The following CCL28 variants were observed in gnomAD, a reference collection of about 807,000 sequenced individuals.
CCL28 encodes C-C motif chemokine ligand 28.
In CCL28, 4 loss-of-function variants were observed where a neutral mutation model predicts 7.1. The ratio of observed to expected loss-of-function variants is 0.56; its 90% confidence interval spans 0.28 to 1.29. The LOEUF (loss-of-function observed/expected upper bound fraction) is 1.29. Ranked by LOEUF, CCL28 falls within the 50% of genes most tolerant of loss-of-function variation. The probability of loss-of-function intolerance (pLI) is 0.11; values close to 1 mark genes in which losing one functional copy is unlikely to be tolerated. For synonymous variants in CCL28, 55 were observed against 57.8 expected, an observed-to-expected ratio of 0.95 and a Z score of 0.22; for missense variants, 151 against 163.4, an observed-to-expected ratio of 0.92 and a Z score of 0.41.
At chr5:43,372,857 G>T (rs961667725), downstream of CCL28, among the ~76,000 whole-genome samples, 1 of 151,186 alleles carries the variant, frequency 6.6e-6, no homozygotes, top group Non-Finnish European at 1.5e-5. Context: ...GGAGTGCAGT[G>T]GTATGATCTT....
Position 43,380,179 on chromosome 5 carries a change from A to C in CCL28, c.*1681T>G, listed in dbSNP as rs1332841898. 1 of 152,146 alleles carries C rather than the reference A, an allele frequency of 6.6e-6. No homozygotes were observed. Among genetic ancestry groups the C allele is most frequent in the Non-Finnish European group, 1.5e-5 (1 of 68,058 alleles). 9.4% of individuals were successfully genotyped at this position (152,146 alleles called of 1,614,324 possible). On this transcript the variant is annotated 3_prime_UTR_variant, in exon 3 of 3. Coordinates refer to ENST00000361115, the MANE Select transcript of CCL28 (RefSeq NM_148672.3). ...TGAGAAGGGTGGAATAGGAGCTAAAAGATGTAGGCTCCTTGTTTAGGCAGA... is the reference window on the plus strand; with the variant it reads ...TGAGAAGGGTGGAATAGGAGCTAAACGATGTAGGCTCCTTGTTTAGGCAGA...
intron 1 of CCL28, among the ~76,000 whole-genome samples, chr5:43,407,350 C>T (rs1012572613): frequency 2.6e-5 from 4 of 152,162 alleles, no homozygotes; most frequent in Non-Finnish European, 5.9e-5. Flanking sequence ...ACATCTACAA[C>T]CATCTGATCT....
intron 1 of CCL28, among the ~76,000 whole-genome samples, chr5:43,411,730 C>G (rs1741541311): frequency 1.3e-5 from 2 of 152,222 alleles, no homozygotes; most frequent in African/African-American, 4.8e-5. Context: ...CTGTGCTCAG[C>G]TCTGCCCTCC....
downstream of CCL28, among the ~76,000 whole-genome samples, chr5:43,373,178 G>A (rs746772710): frequency 7.9e-5 from 12 of 152,190 alleles, no homozygotes; most frequent in South Asian, 1.0e-3. Flanking sequence ...TGGAATTTCT[G>A]GGTCATAGCA....
rs1399931083 is a variant in CCL28 at position 43,381,723 on chromosome 5, A to T, written c.*137T>A. On this transcript the variant is annotated 3_prime_UTR_variant, in exon 3 of 3. Transcript: ENST00000361115. The stretch of plus-strand genomic sequence containing the variant: ...TATTGGCTACATTTGCATACCGCAC[A>T]ATTGTTCATTTTTTAAAAACCAATA... 8.3e-6 allele frequency: 6 copies of T among 725,340 alleles called. No homozygotes were observed. Among genetic ancestry groups the T allele is most frequent in the Non-Finnish European group, 1.2e-5 (5 of 425,722 alleles). The allele number at this position is 725,340 out of a possible 1,614,324, so 44.9% of individuals were successfully genotyped here.
At chr5:43,396,387 C>G (rs1740805545) in intron 1 of CCL28, among the ~76,000 whole-genome samples, 1 of 152,166 alleles carries the variant, frequency 6.6e-6, no homozygotes. Context: ...CTATGTCATC[C>G]TGTGACTTAG....
chr5:43,366,498 T>C, the CCL28 span, among the ~76,000 whole-genome samples: 11 of 152,286 alleles, frequency 7.2e-5, no homozygotes, highest in South Asian at 4.1e-4. Flanking sequence ...CAGTGGAGGC[T>C]GCAGTTTCTT....
intron 2 of CCL28, among the ~76,000 whole-genome samples, chr5:43,383,385 T>G: frequency 6.6e-6 from 1 of 152,154 alleles, no homozygotes; most frequent in East Asian, 1.9e-4. Flanking sequence ...CTGCTATTTT[T>G]CTAGATGACG....
rs544579343 is a variant in CCL28 at position 43,382,113 on chromosome 5, G to A, written c.192-61C>T. On this transcript the variant is annotated intron_variant, in intron 2 of 2. Transcript: ENST00000361115. Reference sequence around the variant, plus strand: ...TAAAACATATATAAATAATCACTTAGTGACTTACATGCAGCTCCCACTTTG... The same window carrying A: ...TAAAACATATATAAATAATCACTTAATGACTTACATGCAGCTCCCACTTTG... 2.7e-6 allele frequency: 4 copies of A among 1,476,850 alleles called. No individual in the cohort carries two copies. The East Asian group carries it at 9.2e-5, about 34-fold the overall frequency. The allele number at this position is 1,476,850 out of a possible 1,614,324, so 91.5% of individuals were successfully genotyped here. A position where few individuals can be genotyped will look rare whatever the true frequency, so the allele number is the denominator to read the frequency against.
the CCL28 span, among the ~76,000 whole-genome samples, chr5:43,360,603 CTT>C: frequency 6.6e-6 from 1 of 151,884 alleles, no homozygotes; most frequent in Non-Finnish European, 1.5e-5. Context: ...ACATGATCTC[CTT>C]TTTTTATGGC....
intron 2 of CCL28, among the ~76,000 whole-genome samples, chr5:43,385,775 A>T (rs1740311503): frequency 6.6e-6 from 1 of 152,244 alleles, no homozygotes. Context: ...TTTAGATCCA[A>T]CTGATTGGCT....
chr5:43,363,874 C>T, the CCL28 span, among the ~76,000 whole-genome samples: 1 of 152,154 alleles, frequency 6.6e-6, no homozygotes, highest in Non-Finnish European at 1.5e-5. Flanking sequence ...CTTATGGCAA[C>T]CTTTGGGTTT....
intron 2 of CCL28, chr5:43,384,010 A>G: frequency 5.1e-6 from 1 of 196,614 alleles, no homozygotes; most frequent in Non-Finnish European, 1.2e-5. Context: ...GAATCGTTTG[A>G]ACCAGGTAGG....
intron 1 of CCL28, 36 bp from the exon 2 acceptor site, chr5:43,388,512 CGGTTTATAGAA>C: frequency 6.2e-7 from 1 of 1,601,746 alleles, no homozygotes; most frequent in African/African-American, 1.3e-5. Context: ...TTAAATTTTA[CGGTTTATAGAA>C]CACTGGCATG....
intron 1 of CCL28, among the ~76,000 whole-genome samples, chr5:43,411,053 C>A (rs995347600): frequency 6.6e-6 from 1 of 152,308 alleles, no homozygotes; most frequent in South Asian, 2.1e-4. Context: ...TTCAGAGGCT[C>A]ATCTGCTTTA....
chr5:43,370,759 T>TA, the CCL28 span, among the ~76,000 whole-genome samples: 1 of 151,052 alleles, frequency 6.6e-6, no homozygotes, highest in African/African-American at 2.4e-5. Context: ...TTTTTTTTTT[T>TA]GAGACAGAGT....
At chr5:43,399,062 T>A (rs6883936) in intron 1 of CCL28, among the ~76,000 whole-genome samples, 1 of 151,976 alleles carries the variant, frequency 6.6e-6, no homozygotes, top group Non-Finnish European at 1.5e-5. Flanking sequence ...TGCCATTGAA[T>A]ATGCACTTGG....
At chr5:43,404,846 C>A (rs528102716) in intron 1 of CCL28, among the ~76,000 whole-genome samples, 2 of 151,746 alleles carry the variant, frequency 1.3e-5, no homozygotes, top group African/African-American at 4.8e-5. Flanking sequence ...ACAAAAAAAA[C>A]AGGGTTGCAA....
the CCL28 span, among the ~76,000 whole-genome samples, chr5:43,364,968 C>G: frequency 0.5 from 74,431 of 148,550 alleles, 19,124 homozygotes; most frequent in Middle Eastern, 0.62. Context: ...ATGTGAGATG[C>G]GTCTCCTGCA....
Sources: gnomAD v4.1 joint callset for allele counts (sites outside exome capture counted in the v4.1 genomes callset) on GRCh38, gnomAD v4.1.1 for gene constraint, MANE v1.5 for transcripts, NCBI Gene and HGNC (gene_info 2026-07-23, HGNC 2026-07-21) for gene names.